Variants in NUP214 observed in about 807,000 individuals in gnomAD.
The protein encoded by NUP214 is nuclear pore complex protein Nup214.
A neutral mutation model predicts 196.2 loss-of-function variants in NUP214; 79 were observed. That is an observed-to-expected ratio of 0.40 (90% confidence interval 0.34 to 0.49). NUP214 has a LOEUF of 0.49. NUP214 is among the 20% of genes least tolerant of loss of function. The pLI is 0.58. For missense variants in NUP214, 2,468 were observed against 2,539.0 expected (o/e 0.97, Z 0.60); for synonymous variants, 1,020 against 990.5 (o/e 1.03, Z -0.56).
chr9:131,224,613 G>A (rs1300883295), intron 32 of NUP214, among the ~76,000 whole-genome samples: 6 of 152,206 alleles, frequency 3.9e-5, no homozygotes, highest in Non-Finnish European at 5.9e-5. Context: ...CATATTTAGA[G>A]CCTAAAGTGC....
intron 17 of NUP214, among the ~76,000 whole-genome samples, 196 bp downstream of exon 17, chr9:131,152,090 C>A (rs1441914605): frequency 1.3e-5 from 2 of 152,006 alleles, no homozygotes; most frequent in African/African-American, 4.8e-5. Context: ...TAATTTTTTT[C>A]ACTTAAAACA....
chr9:131,228,573 T>C, intron 33 of NUP214: 1 of 385,320 alleles, frequency 2.6e-6, no homozygotes, highest in Non-Finnish European at 4.6e-6. Flanking sequence ...TGAGAAATGC[T>C]GGTCATCAGA....
At chr9:131,184,243 C>T (rs769063327) in intron 24 of NUP214, among the ~76,000 whole-genome samples, 20 of 151,410 alleles carry the variant, frequency 1.3e-4, no homozygotes, top group Non-Finnish European at 2.7e-4. Flanking sequence ...GTTGGCCCGG[C>T]TGATTTCAAA....
At chr9:131,196,421 A>C (rs912398672) in intron 28 of NUP214, among the ~76,000 whole-genome samples, 1 of 152,156 alleles carries the variant, frequency 6.6e-6, no homozygotes. Flanking sequence ...TTGGCCTCCC[A>C]AAGTGCTGGG....
chr9:131,155,779 C>G (rs901544524), intron 17 of NUP214, among the ~76,000 whole-genome samples: 17 of 152,136 alleles, frequency 1.1e-4, no homozygotes, highest in Admixed American at 3.3e-4. Context: ...TGTTGAAGAT[C>G]AGTTGGCTCT....
chr9:131,229,371 C>G (rs753230789), intron 33 of NUP214: 2 of 177,378 alleles, frequency 1.1e-5, no homozygotes, highest in Non-Finnish European at 2.4e-5. Flanking sequence ...TTTGAAAGGA[C>G]AGTTAGAGAC....
At chr9:131,150,186 C>G in intron 14 of NUP214, 138 bp from the exon 15 acceptor site, 1 of 713,288 alleles carries the variant, frequency 1.4e-6, no homozygotes, top group Admixed American at 2.4e-5. Context: ...AGTAGAGACC[C>G]TATAAATAAG....
At position 131,139,372 on chromosome 9, in the gene NUP214, T is replaced by C. The variant is rs200495989; in HGVS notation, c.1097T>C (p.Val366Ala). 1.9e-6 allele frequency: 3 copies of C among 1,609,320 alleles called. No homozygotes were observed. The highest frequency in any genetic ancestry group is 2.7e-5 in the African/African-American group (2 of 74,582). The change falls in exon 10 of 36, where the codon GTC becomes GCC. Residue 366 changes from valine (V) to alanine (A), a missense_variant. Physicochemically the swap from Val to Ala is moderately conservative, Grantham distance 64 (BLOSUM62 0). Around this residue, in one of 5 missense-constraint regions of NUP214, gnomAD observed 1,801 missense variants for 1,779.4 expected, o/e 1.01. Transcript: ENST00000359428. ...GATGACTCCTTGCCCATGGGAGTTG[T>C]CGTAGACTATACAAACCAAGTGGAA... The part of the protein sequence containing the change: ...KSDDSLPMGV[V>A]VDYTNQVEIT...
chr9:131,196,787 G>C (rs1409453665), intron 28 of NUP214, among the ~76,000 whole-genome samples: 1 of 152,064 alleles, frequency 6.6e-6, no homozygotes, highest in Non-Finnish European at 1.5e-5. Context: ...CACTTTATTT[G>C]CTCATAAAAA....
rs890161239 is a variant in NUP214, at chr9:131,230,655, T to C, written c.6100T>C (p.Ser2034Pro). ...FGFGSSSNTT[S>P]FGTLASQNAP... ...GTTTGGGAGCAGCAGCAACACCACATCCTTCGGCACGCTCGCGAGTCAGAA... is the reference window on the plus strand; with the variant it reads ...GTTTGGGAGCAGCAGCAACACCACACCCTTCGGCACGCTCGCGAGTCAGAA... Residue 2034 changes from serine to proline, a missense_variant, in exon 34 of 36, where the codon TCC becomes CCC. By Grantham distance (74) the Ser-to-Pro change is moderately conservative (BLOSUM62 -1). Coordinates refer to ENST00000359428, the MANE Select transcript of NUP214 (RefSeq NM_005085.4). 1.9e-6 allele frequency: 3 copies of C among 1,614,078 alleles called. No individual in the cohort carries two copies. The highest frequency in any genetic ancestry group is 2.7e-5 in the African/African-American group (2 of 75,012).
intron 30 of NUP214, among the ~76,000 whole-genome samples, chr9:131,205,570 A>G (rs1468162830): frequency 6.6e-6 from 1 of 152,250 alleles, no homozygotes; most frequent in African/African-American, 2.4e-5. Context: ...ATAGCTAAAC[A>G]CAGGAAACAG....
chr9:131,169,750 A>T (rs903362883), intron 21 of NUP214, among the ~76,000 whole-genome samples: 9 of 152,190 alleles, frequency 5.9e-5, no homozygotes, highest in African/African-American at 7.2e-5. Context: ...CTGCTGTTGT[A>T]ATGGGAAAGC....
chr9:131,232,731 C>T lies in NUP214; in HGVS notation c.6239+423C>T. On this transcript the variant is annotated intron_variant, in intron 35 of 35. Coordinates refer to ENST00000359428, the MANE Select transcript of NUP214 (RefSeq NM_005085.4). The surrounding 1 kb of genome is among the most constrained non-coding windows in gnomAD (Gnocchi z 5.1). ...TCATGGCGTTAAAATTCAGTCTTAGCCAGGTGGGTGGTTCACGCCTATAAT... is the reference window on the plus strand; with the variant it reads ...TCATGGCGTTAAAATTCAGTCTTAGTCAGGTGGGTGGTTCACGCCTATAAT... 1 of 248,728 alleles carries T rather than the reference C, an allele frequency of 4.0e-6. No homozygotes were observed. Among genetic ancestry groups the T allele is most frequent in the Non-Finnish European group, 8.0e-6 (1 of 125,776 alleles). 15.4% of individuals were successfully genotyped at this position (248,728 alleles called of 1,614,324 possible).
chr9:131,135,088 CTGAT>C, intron 8 of NUP214, 84 bp downstream of exon 8: 10 of 958,340 alleles, frequency 1.0e-5, no homozygotes, highest in Admixed American at 7.7e-5. Context: ...GAAATCTTTT[CTGAT>C]TGATTGATTG....
Position 131,233,595 on chromosome 9 carries a change from T to C in NUP214, c.*108T>C. 3 of 1,205,074 alleles carry C rather than the reference T, an allele frequency of 2.5e-6. No individual in the cohort carries two copies. The highest frequency in any genetic ancestry group is 3.0e-5 in the African/African-American group (2 of 66,742). The allele number at this position is 1,205,074 out of a possible 1,614,324, so 74.6% of individuals were successfully genotyped here. ...AGACCGACGTTGCCATCAAAACACATACACCCAGAAAGAAACAACAGAAAC... is the reference window on the plus strand; with the variant it reads ...AGACCGACGTTGCCATCAAAACACACACACCCAGAAAGAAACAACAGAAAC... On this transcript the variant is annotated 3_prime_UTR_variant, in exon 36 of 36. Coordinates refer to ENST00000359428, the MANE Select transcript of NUP214 (RefSeq NM_005085.4).
intron 31 of NUP214, among the ~76,000 whole-genome samples, chr9:131,220,257 T>G (rs1045150200): frequency 6.6e-6 from 1 of 152,238 alleles, no homozygotes; most frequent in African/African-American, 2.4e-5. Flanking sequence ...TATGGTAATA[T>G]GAGAATATGG....
At chr9:131,140,944 C>A (rs974564869) in intron 11 of NUP214, among the ~76,000 whole-genome samples, 4 of 152,142 alleles carry the variant, frequency 2.6e-5, no homozygotes, top group Non-Finnish European at 2.9e-5. Context: ...GGAAGGTCAA[C>A]CAGATGATTT....
At chr9:131,213,265 T>G (rs2131076247) in intron 30 of NUP214, among the ~76,000 whole-genome samples, 1 of 151,172 alleles carries the variant, frequency 6.6e-6, no homozygotes, top group East Asian at 1.9e-4. Context: ...AACCTCTGCC[T>G]CCCGGGTTCA....
rs763628545 is a variant in NUP214, at chr9:131,174,302, T to G, written c.3141T>G (p.Gly1047=). ...KSHLVHGSSP[G]VMGTSVATSA... is the part of the protein sequence containing the mutation. ...ACCTGGTTCATGGTTCTTCACCTGG[T>G]GTGATGGGAACTTCAGGTAAGTAAA... The change falls in exon 22 of 36, where the codon GGT becomes GGG. Residue 1047 remains glycine, a synonymous_variant. Coordinates refer to ENST00000359428, the MANE Select transcript of NUP214 (RefSeq NM_005085.4). 1 of 1,612,226 alleles carries G rather than the reference T, an allele frequency of 6.2e-7. No homozygotes were observed. Among genetic ancestry groups the G allele is most frequent in the East Asian group, 2.2e-5 (1 of 44,852 alleles).
Sources: gnomAD v4.1 joint callset for allele counts (sites outside exome capture counted in the v4.1 genomes callset) on GRCh38, gnomAD v4.1.1 for gene constraint, gnomAD v4.1.1 regional missense constraint, Gnocchi (gnomAD v3.1) non-coding constraint, MANE v1.5 for transcripts, NCBI Gene and HGNC (gene_info 2026-07-23, HGNC 2026-07-21) for gene names.